The following ROCK1 variants were observed in gnomAD, a reference collection of about 807,000 sequenced individuals.
ROCK1 encodes the protein rho-associated protein kinase 1.
Under a neutral mutation model 196.8 loss-of-function variants are expected in ROCK1, and 36 were observed. The ratio of observed to expected loss-of-function variants is 0.18; its 90% CI spans 0.14 to 0.24. The LOEUF is 0.24. ROCK1 is among the 10% of genes least tolerant of loss of function. The pLI is 1.00. For synonymous variants in ROCK1, 443 were observed against 515.9 expected, an observed-to-expected ratio of 0.86 and a Z score of 1.91; for missense variants, 920 against 1,562.0, an observed-to-expected ratio of 0.59 and a Z score of 6.93.
intron 10 of ROCK1, among the ~76,000 whole-genome samples, chr18:21,024,005 T>C (rs904235795): frequency 6.6e-6 from 1 of 152,174 alleles, no homozygotes; most frequent in Middle Eastern, 3.2e-3. Context: ...TTTCTGGTCA[T>C]GAGAGCAGGT....
chr18:21,107,991 G>A (rs1364481081), intron 1 of ROCK1, among the ~76,000 whole-genome samples: 2 of 151,986 alleles, frequency 1.3e-5, no homozygotes, highest in South Asian at 2.1e-4. Flanking sequence ...GGAGTCGGAG[G>A]TTGCAGTGAG....
intron 28 of ROCK1, 64 bp downstream of exon 28, chr18:20,960,072 T>C (rs2035312412): frequency 8.2e-6 from 10 of 1,213,008 alleles, no homozygotes; most frequent in African/African-American, 1.5e-5. Context: ...CTAATATAAG[T>C]TCTATGCTCC....
At chr18:21,078,970 G>A (rs184688710) in intron 1 of ROCK1, among the ~76,000 whole-genome samples, 1 of 152,220 alleles carries the variant, frequency 6.6e-6, no homozygotes, top group Non-Finnish European at 1.5e-5. Flanking sequence ...CCTTCAGGAT[G>A]AGCTGTCCCT....
At chr18:20,952,770 T>C (rs544426068) in intron 32 of ROCK1, among the ~76,000 whole-genome samples, 3 of 151,422 alleles carry the variant, frequency 2.0e-5, no homozygotes, top group East Asian at 2.0e-4. Context: ...AGAGTGAGAC[T>C]CTGTCTCAAA....
intron 16 of ROCK1, among the ~76,000 whole-genome samples, chr18:20,995,136 A>T (rs1319676770): frequency 6.6e-6 from 1 of 152,236 alleles, no homozygotes; most frequent in East Asian, 1.9e-4. Flanking sequence ...TAACAATAAC[A>T]TACTGCATAT....
chr18:20,975,544 A>G (rs2035472131), intron 22 of ROCK1, among the ~76,000 whole-genome samples: 1 of 152,158 alleles, frequency 6.6e-6, no homozygotes, highest in South Asian at 2.1e-4. Context: ...AAATAAATGG[A>G]CAATTTATGA....
At chr18:20,970,142 CAAA>C (rs1396030289) in intron 23 of ROCK1, 7 of 441,220 alleles carry the variant, frequency 1.6e-5, no homozygotes, top group Non-Finnish European at 2.8e-5. Flanking sequence ...CCTATACAAA[CAAA>C]AGCCCAATAT....
intron 16 of ROCK1, among the ~76,000 whole-genome samples, chr18:20,993,917 T>C (rs1255796618): frequency 6.6e-6 from 1 of 152,132 alleles, no homozygotes; most frequent in Non-Finnish European, 1.5e-5. Flanking sequence ...ACAAGGAAAA[T>C]AGATGAAGTA....
intron 16 of ROCK1, among the ~76,000 whole-genome samples, chr18:20,999,964 A>G (rs555073333): frequency 5.8e-4 from 88 of 152,358 alleles, no homozygotes; most frequent in African/African-American, 2.0e-3. Flanking sequence ...ATACTACACA[A>G]AGTAATCTAC....
chr18:21,011,765 T>C (rs2035819669), intron 13 of ROCK1, among the ~76,000 whole-genome samples: 1 of 152,214 alleles, frequency 6.6e-6, no homozygotes, highest in Non-Finnish European at 1.5e-5. Context: ...CTAAAAACTT[T>C]ACCTTTCTTT....
At chr18:21,027,823 G>A (rs1293029069) in intron 10 of ROCK1, among the ~76,000 whole-genome samples, 37 of 134,684 alleles carry the variant, frequency 2.7e-4, no homozygotes, top group African/African-American at 1.0e-3. Flanking sequence ...GTGCAGTGGC[G>A]CGATCTCGGC....
intron 25 of ROCK1, 27 bp downstream of exon 25, chr18:20,968,743 CAT>C (rs746689414): frequency 2.3e-6 from 3 of 1,310,014 alleles, no homozygotes; most frequent in Admixed American, 3.5e-5. Flanking sequence ...CAAAAATGAA[CAT>C]GTGGAAAAGA....
chr18:21,008,361 G>A (rs2035786430), intron 13 of ROCK1, among the ~76,000 whole-genome samples, 167 bp from the exon 14 acceptor site: 1 of 152,100 alleles, frequency 6.6e-6, no homozygotes, highest in Non-Finnish European at 1.5e-5. Context: ...AACTTTCTAA[G>A]TAGCTTGCCT....
intron 9 of ROCK1, among the ~76,000 whole-genome samples, chr18:21,033,140 T>C (rs1300434866): frequency 6.6e-6 from 1 of 151,940 alleles, no homozygotes; most frequent in African/African-American, 2.4e-5. Flanking sequence ...AAAAATACAG[T>C]GAGCTAAGAT....
rs2035156857 is a variant in ROCK1 at position 20,949,037 on chromosome 18, T to C, written c.*2347A>G. On this transcript the variant is annotated 3_prime_UTR_variant, in exon 33 of 33. Coordinates refer to ENST00000399799, the MANE Select transcript of ROCK1 (RefSeq NM_005406.3). ...TTGGGAGTGAGTGGTTTCCTGAACT[T>C]AGAAGAGGAAGCAGCTCTCCTGGTT... 1 of 152,068 alleles carries C rather than the reference T, an allele frequency of 6.6e-6. No homozygotes were observed. The highest frequency in any genetic ancestry group is 2.1e-4 in the South Asian group (1 of 4,824). 9.4% of individuals were successfully genotyped at this position (152,068 alleles called of 1,614,324 possible). A position where few individuals can be genotyped will look rare whatever the true frequency, so the allele number is the denominator to read the frequency against.
intron 1 of ROCK1, among the ~76,000 whole-genome samples, chr18:21,091,792 G>A (rs2036572271): frequency 6.6e-6 from 1 of 151,876 alleles, no homozygotes; most frequent in Non-Finnish European, 1.5e-5. Flanking sequence ...CCTACGTGGT[G>A]AAACCCGTCT....
chr18:20,979,530 G>A (rs2035510940), intron 22 of ROCK1, among the ~76,000 whole-genome samples: 1 of 151,944 alleles, frequency 6.6e-6, no homozygotes, highest in Non-Finnish European at 1.5e-5. Flanking sequence ...GCTGAGGCAG[G>A]AGAATCGCTT....
intron 19 of ROCK1, among the ~76,000 whole-genome samples, chr18:20,986,085 T>C (rs1238850422): frequency 6.6e-6 from 1 of 152,086 alleles, no homozygotes; most frequent in Admixed American, 6.6e-5. Context: ...ACTCCTGAGC[T>C]TAAGCAATGT....
intron 1 of ROCK1, among the ~76,000 whole-genome samples, chr18:21,073,227 A>AAGGT (rs1300207044): frequency 6.6e-6 from 1 of 152,176 alleles, no homozygotes; most frequent in Non-Finnish European, 1.5e-5. Flanking sequence ...ATTTTAAAAG[A>AAGGT]AGGTAGTTAC....
Sources: allele counts gnomAD v4.1 joint callset (sites outside exome capture counted in the v4.1 genomes callset), GRCh38; gene constraint gnomAD v4.1.1; transcripts MANE v1.5; gene names NCBI Gene and HGNC (gene_info 2026-07-23, HGNC 2026-07-21).